The following NUP155 variants were observed in gnomAD, a reference collection of about 807,000 sequenced individuals.
NUP155 encodes the protein nuclear pore complex protein Nup155.
In NUP155, 71 loss-of-function variants were observed where a neutral mutation model predicts 180.4. That is an observed-to-expected ratio of 0.39 (90% confidence interval 0.33 to 0.48). The LOEUF (loss-of-function observed/expected upper bound fraction) is 0.48, where lower values mean the gene tolerates loss of function less well. Ranked by LOEUF, NUP155 falls within the 20% of genes least tolerant of loss-of-function variation. The probability of loss-of-function intolerance (pLI) is 0.91; values close to 1 mark genes in which losing one functional copy is unlikely to be tolerated. For missense variants in NUP155, 1,553 were observed against 1,648.9 expected (o/e 0.94, Z 1.01); for synonymous variants, 582 against 559.5 (o/e 1.04, Z -0.57).
In NUP155 at chr5:37,324,059, G is replaced by T; in HGVS notation, c.2140C>A (p.Leu714Ile). 6.2e-7 allele frequency: 1 copy of T among 1,613,850 alleles called. No homozygotes were observed. Among genetic ancestry groups the T allele is most frequent in the Non-Finnish European group, 8.5e-7 (1 of 1,179,870 alleles). Residue 714 changes from leucine (L) to isoleucine (I), a missense_variant, in exon 20 of 35, where the codon CTA becomes ATA. Coordinates refer to ENST00000231498, the MANE Select transcript of NUP155 (RefSeq NM_153485.3). ...CQLLESVLQELKGLQEFLDRN... is the reference protein window; with the variant it reads ...CQLLESVLQEIKGLQEFLDRN... ...TCTAGAAATTCCTGCAAACCCTTTA[G>T]TTCTTGTAGCACTGACTCTAGCAGT...
In NUP155 at chr5:37,334,883, G is replaced by A. The variant is rs930590433; in HGVS notation, c.1348-1250C>T. On this transcript the variant is annotated intron_variant, in intron 12 of 34. Transcript: ENST00000231498. ...CCTTTAAAAAGTATTTTACTGGCTC[G>A]GCGAGGTGGCTCACGCCTATAATCC... Among the ~76,000 whole-genome samples the A allele has an allele frequency of 1.7e-3, 264 of 152,064 alleles. 2 individuals carry two copies. Among genetic ancestry groups the A allele is most frequent in the African/African-American group, 6.0e-3 (250 of 41,508 alleles).
intron 3 of NUP155, among the ~76,000 whole-genome samples, chr5:37,361,778 ATT>A (rs2111701053): frequency 6.6e-6 from 1 of 152,288 alleles, no homozygotes; most frequent in South Asian, 2.1e-4. Flanking sequence ...TCTTCAAATA[ATT>A]TTTCTTTAAA....
intron 12 of NUP155, among the ~76,000 whole-genome samples, chr5:37,334,650 C>T (rs545198938): frequency 6.6e-6 from 1 of 152,258 alleles, no homozygotes; most frequent in East Asian, 1.9e-4. Context: ...TTCCAAAGTG[C>T]TAGGATTACA....
At chr5:37,313,819 G>T (rs889432509) in intron 22 of NUP155, among the ~76,000 whole-genome samples, 3 of 152,068 alleles carry the variant, frequency 2.0e-5, no homozygotes, top group Non-Finnish European at 4.4e-5. Context: ...ATTTAATTTA[G>T]GTTGTTGGGC....
chr5:37,315,217 G>C (rs959726503), intron 21 of NUP155, among the ~76,000 whole-genome samples: 1 of 152,154 alleles, frequency 6.6e-6, no homozygotes, highest in Non-Finnish European at 1.5e-5. Context: ...CGGCGAAAAA[G>C]CGAGACTCCA....
chr5:37,292,783 C>G, intron 34 of NUP155, 96 bp downstream of exon 34: 1 of 781,062 alleles, frequency 1.3e-6, no homozygotes, highest in South Asian at 1.4e-5. Flanking sequence ...CTAATATACA[C>G]AAGAATCTTC....
rs1561816054 is a variant in NUP155 at position 37,362,374 on chromosome 5, C to T, written c.392+1514G>A. On this transcript the variant is annotated intron_variant, in intron 3 of 34. Transcript: ENST00000231498. The stretch of plus-strand genomic sequence containing the variant: ...CGCGATCTCGGCTCACCACAACCTC[C>T]GCCTCCCAGGTTCAAGTGATTCTCC... Among the ~76,000 whole-genome samples, 6 of 151,948 alleles carry T rather than the reference C, an allele frequency of 3.9e-5. No homozygotes were observed. The East Asian group carries it at 5.8e-4, about 15-fold the overall frequency.
Position 37,330,139 on chromosome 5 carries a change from A to G in NUP155, c.1630-7T>C. 6.3e-7 allele frequency: 1 copy of G among 1,597,710 alleles called. No homozygotes were observed. The highest frequency in any genetic ancestry group is 8.6e-7 in the Non-Finnish European group (1 of 1,166,870). The stretch of plus-strand genomic sequence containing the variant: ...TTGCACAAGCCTGGTCTTCCTGTGT[A>G]AAAAGAGGAATATTGGCCTTATATT... On this transcript the variant is annotated splice_polypyrimidine_tract_variant and splice_region_variant and intron_variant, in intron 14 of 34. Transcript: ENST00000231498.
At chr5:37,351,813 TAAAAG>T (rs141408470) in intron 5 of NUP155, among the ~76,000 whole-genome samples, 4,356 of 152,194 alleles carry the variant, frequency 0.029, 219 homozygotes, top group African/African-American at 0.099. Flanking sequence ...TTAAAATTAC[TAAAAG>T]AAGTCTGATA....
chr5:37,307,121 C>A (rs1391145269), intron 25 of NUP155, among the ~76,000 whole-genome samples, 176 bp downstream of exon 25: 2 of 149,934 alleles, frequency 1.3e-5, no homozygotes. Context: ...TAGCTTGAAC[C>A]TGGGAGGCAG....
intron 23 of NUP155, 175 bp from the exon 24 acceptor site, chr5:37,309,442 C>T: frequency 1.7e-6 from 1 of 594,970 alleles, no homozygotes; most frequent in South Asian, 2.1e-5. Flanking sequence ...ACCAAAGATT[C>T]CTAGCTATTC....
intron 5 of NUP155, among the ~76,000 whole-genome samples, chr5:37,352,314 C>T (rs771809662): frequency 1.3e-5 from 2 of 152,050 alleles, no homozygotes; most frequent in Admixed American, 6.6e-5. Context: ...GCCAAGATTG[C>T]ACCACTACAC....
chr5:37,298,237 CAAAA>C (rs11390520), intron 32 of NUP155, among the ~76,000 whole-genome samples: 1 of 100,540 alleles, frequency 9.9e-6, no homozygotes. Context: ...GCCTCTGTCT[CAAAA>C]AAAAAAAAAA....
chr5:37,308,587 A>G (rs1743316844), intron 24 of NUP155, among the ~76,000 whole-genome samples: 1 of 152,102 alleles, frequency 6.6e-6, no homozygotes, highest in Non-Finnish European at 1.5e-5. Flanking sequence ...AGTCCCAGCT[A>G]CTTGGGAGGC....
At chr5:37,324,149 C>A in intron 19 of NUP155, 42 bp from the exon 20 acceptor site, 1 of 1,122,982 alleles carries the variant, frequency 8.9e-7, no homozygotes, top group Non-Finnish European at 1.4e-6. Context: ...AAAACACACC[C>A]TCTGTATAGC....
intron 24 of NUP155, among the ~76,000 whole-genome samples, chr5:37,307,942 G>GA (rs34228665): frequency 1.5e-4 from 21 of 135,936 alleles, no homozygotes; most frequent in Non-Finnish European, 2.3e-4. Context: ...AAAGAAAAAG[G>GA]AAAAAAAAAA....
At chr5:37,326,494 C>T (rs889804485) in intron 18 of NUP155, among the ~76,000 whole-genome samples, 5 of 152,066 alleles carry the variant, frequency 3.3e-5, no homozygotes, top group East Asian at 1.9e-4. Context: ...GTGAATAAGG[C>T]GGAAAAGTGC....
At chr5:37,344,213 C>A (rs1581189529) in intron 9 of NUP155, among the ~76,000 whole-genome samples, 1 of 151,630 alleles carries the variant, frequency 6.6e-6, no homozygotes, top group African/African-American at 2.4e-5. Flanking sequence ...AATAGTGGCG[C>A]ACATCTAGAG....
chr5:37,350,640 A>C (rs987611718), intron 6 of NUP155, among the ~76,000 whole-genome samples: 2 of 151,934 alleles, frequency 1.3e-5, no homozygotes, highest in African/African-American at 4.8e-5. Context: ...TCTGCCTCTA[A>C]TAAAAACACA....
Sources: allele counts gnomAD v4.1 joint callset (sites outside exome capture counted in the v4.1 genomes callset), GRCh38; gene constraint gnomAD v4.1.1; transcripts MANE v1.5; gene names NCBI Gene and HGNC (gene_info 2026-07-23, HGNC 2026-07-21).